Variants in SOD3 observed in about 807,000 individuals in gnomAD.
SOD3 encodes the protein extracellular superoxide dismutase [Cu-Zn].
A neutral mutation model predicts 2.6 loss-of-function variants in SOD3; 3 were observed. The observed-to-expected ratio is 1.13, with a 90% CI of 0.52 to 2.93. The LOEUF is 2.93. SOD3 is among the 30% of genes most tolerant of loss of function. The pLI is 0.04. For missense variants in SOD3, 379 were observed against 370.4 expected (o/e 1.02, Z -0.19); for synonymous variants, 188 against 177.5 (o/e 1.06, Z -0.47).
rs553208748 is a variant in SOD3 at position 24,799,201 on chromosome 4, C to G, written c.-16-305C>G. On this transcript the variant is annotated intron_variant, in intron 1 of 1. Coordinates refer to ENST00000382120, the MANE Select transcript of SOD3 (RefSeq NM_003102.4). Reference sequence around the variant, plus strand: ...TGGAAGGGCCATGAGACACCCCTCACGCTCCCTGAGACCCCCTCCACGCTA... The same window carrying G: ...TGGAAGGGCCATGAGACACCCCTCAGGCTCCCTGAGACCCCCTCCACGCTA... Among the ~76,000 whole-genome samples the G allele has an allele frequency of 2.2e-4, 34 of 152,266 alleles. 1 individual carries two copies. Among genetic ancestry groups the G allele is most frequent in the Middle Eastern group, 3.4e-3 (1 of 294 alleles).
rs1433316057 is a variant in SOD3 at position 24,797,415 on chromosome 4, TG to T, written c.-17+1765del. Among the ~76,000 whole-genome samples, 4 of 152,362 alleles carry T rather than the reference TG, an allele frequency of 2.6e-5. No individual in the cohort carries two copies. In the East Asian group the frequency reaches 5.8e-4, roughly 22 times the overall value. ...TGGGGATAACACTGAATAATGTTCT[TG>T]TGAGGATGCAGGGAATTAACCCACG... On this transcript the variant is annotated intron_variant, in intron 1 of 1. Coordinates refer to ENST00000382120, the MANE Select transcript of SOD3 (RefSeq NM_003102.4).
In SOD3 at chr4:24,796,468, T is replaced by C. The variant is rs1713665827; in HGVS notation, c.-17+817T>C. 2.0e-5 allele frequency among the ~76,000 whole-genome samples: 2 copies of C among 98,326 alleles called. 1 individual carries two copies. Among genetic ancestry groups the C allele is most frequent in the Admixed American group, 3.2e-4 (2 of 6,328 alleles). The allele number at this position is 98,326 out of a possible 152,430, so 64.5% of individuals were successfully genotyped here. ...TTTTTTTTTTTTTTTTTTTGAGACA[T>C]GGTCTCATTCTGTCACCCAGCACCC... On this transcript the variant is annotated intron_variant, in intron 1 of 1. Coordinates refer to ENST00000382120, the MANE Select transcript of SOD3 (RefSeq NM_003102.4).
intron 1 of SOD3, among the ~76,000 whole-genome samples, chr4:24,799,046 G>A (rs1024210246): frequency 6.6e-6 from 1 of 152,198 alleles, no homozygotes; most frequent in African/African-American, 2.4e-5. Flanking sequence ...CAGGGAGAAG[G>A]CACTTCAGGG....
chr4:24,797,630 T>C (rs1242071628), intron 1 of SOD3, among the ~76,000 whole-genome samples: 2 of 152,204 alleles, frequency 1.3e-5, no homozygotes, highest in African/African-American at 4.8e-5. Flanking sequence ...ACTCTGCTAC[T>C]CAGCAATAAA....
chr4:24,798,869 T>C (rs1713747325), intron 1 of SOD3, among the ~76,000 whole-genome samples: 1 of 152,184 alleles, frequency 6.6e-6, no homozygotes, highest in Admixed American at 6.5e-5. Flanking sequence ...CACAGGATTG[T>C]GCTGGAATGA....
In SOD3 at chr4:24,800,563, A is replaced by C; in HGVS notation, c.*319A>C. Reference sequence around the variant, plus strand: ...CACCCAGACCCTCCTTCCCCACCCCATAAGCCCTGAGACTCCCGCCTTTGA... The same window carrying C: ...CACCCAGACCCTCCTTCCCCACCCCCTAAGCCCTGAGACTCCCGCCTTTGA... On this transcript the variant is annotated 3_prime_UTR_variant, in exon 2 of 2. Transcript: ENST00000382120. 19 of 227,168 alleles carry C rather than the reference A, an allele frequency of 8.4e-5. No homozygotes were observed. Among genetic ancestry groups the C allele is most frequent in the South Asian group, 1.9e-4 (1 of 5,356 alleles). The allele number at this position is 227,168 out of a possible 1,614,324, so 14.1% of individuals were successfully genotyped here. A position where few individuals can be genotyped will look rare whatever the true frequency, so the allele number is the denominator to read the frequency against.
chr4:24,799,448 CTA>C (rs1236791778), intron 1 of SOD3, 56 bp from the exon 2 acceptor site: 10 of 1,555,636 alleles, frequency 6.4e-6, no homozygotes, highest in East Asian at 2.3e-5. Context: ...CCCTGAGATT[CTA>C]TGTTTCACGT....
chr4:24,797,143 T>C (rs1713689435), intron 1 of SOD3, among the ~76,000 whole-genome samples: 1 of 141,688 alleles, frequency 7.1e-6, no homozygotes, highest in Admixed American at 7.3e-5. Flanking sequence ...TAGCATCTCT[T>C]AGCTAATGGT....
Position 24,800,147 on chromosome 4 carries a change from T to C in SOD3, c.626T>C (p.Val209Ala). 1 of 1,389,484 alleles carries C rather than the reference T, an allele frequency of 7.2e-7. No individual in the cohort carries two copies. Among genetic ancestry groups the C allele is most frequent in the Non-Finnish European group, 9.2e-7 (1 of 1,082,454 alleles). The allele number at this position is 1,389,484 out of a possible 1,614,324, so 86.1% of individuals were successfully genotyped here. A position where few individuals can be genotyped will look rare whatever the true frequency, so the allele number is the denominator to read the frequency against. ...GNAGRRLACC[V>A]VGVCGPGLWE... Reference sequence around the variant, plus strand: ...GCGGGCCGGCGGCTGGCCTGCTGCGTGGTGGGCGTGTGCGGGCCCGGGCTC... The same window carrying C: ...GCGGGCCGGCGGCTGGCCTGCTGCGCGGTGGGCGTGTGCGGGCCCGGGCTC... The change falls in exon 2 of 2, where the codon GTG (valine) becomes GCG (alanine). Residue 209 changes from valine (V) to alanine (A), a missense_variant. Val to Ala is a moderately conservative substitution (Grantham distance 64, BLOSUM62 0). Coordinates refer to ENST00000382120, the MANE Select transcript of SOD3 (RefSeq NM_003102.4).
chr4:24,795,931 G>T (rs563678799), intron 1 of SOD3, among the ~76,000 whole-genome samples: 7 of 152,224 alleles, frequency 4.6e-5, no homozygotes, highest in African/African-American at 1.7e-4. Flanking sequence ...ACGAGAAAGG[G>T]GGCCTTTCTA....
rs1478175608 is a variant in SOD3, at chr4:24,799,863, C to A, written c.342C>A (p.His114Gln). Residue 114 changes from histidine (H) to glutamine (Q), a missense_variant, in exon 2 of 2, where the codon CAC (histidine) becomes CAA (glutamine). By Grantham distance (24) the His-to-Gln change is conservative. Transcript: ENST00000382120. Reference sequence around the variant, plus strand: ...CGAACAGCTCCAGCCGCGCCATCCACGTGCACCAGTTCGGGGACCTGAGCC... The same window carrying A: ...CGAACAGCTCCAGCCGCGCCATCCAAGTGCACCAGTTCGGGGACCTGAGCC... ...TEPNSSSRAIHVHQFGDLSQG... is the reference protein window; with the variant it reads ...TEPNSSSRAIQVHQFGDLSQG... The A allele has an allele frequency of 1.9e-6, 3 of 1,602,860 alleles. No homozygotes were observed. Among genetic ancestry groups the A allele is most frequent in the African/African-American group, 1.3e-5 (1 of 74,742 alleles).
rs1286498839 is a variant in SOD3 at position 24,799,773 on chromosome 4, C to T, written c.252C>T (p.Phe84=). ...AQPRVTGVVL[F]RQLAPRAKLD... is the part of the protein sequence containing the mutation. Reference sequence around the variant, plus strand: ...CCCGGGTGACCGGCGTCGTCCTCTTCCGGCAGCTTGCGCCCCGCGCCAAGC... The same window carrying T: ...CCCGGGTGACCGGCGTCGTCCTCTTTCGGCAGCTTGCGCCCCGCGCCAAGC... The change falls in exon 2 of 2, where the codon TTC becomes TTT. Residue 84 remains phenylalanine (F), a synonymous_variant. Coordinates refer to ENST00000382120, the MANE Select transcript of SOD3 (RefSeq NM_003102.4). 3 of 1,574,462 alleles carry T rather than the reference C, an allele frequency of 1.9e-6. No individual in the cohort carries two copies. The highest frequency in any genetic ancestry group is 2.6e-6 in the Non-Finnish European group (3 of 1,166,920).
intron 1 of SOD3, among the ~76,000 whole-genome samples, chr4:24,798,097 TCTC>T (rs1263578510): frequency 2.6e-5 from 4 of 151,986 alleles, no homozygotes; most frequent in Admixed American, 1.3e-4. Flanking sequence ...GTCTTTCTTC[TCTC>T]CTTTCTTTCT....
chr4:24,797,878 T>A (rs17881426), intron 1 of SOD3, among the ~76,000 whole-genome samples: 22,950 of 152,162 alleles, frequency 0.15, 2,238 homozygotes, highest in African/African-American at 0.25. Flanking sequence ...AATACCTCGG[T>A]GGCATGGCTG....
At chr4:24,797,066 T>C (rs919486025) in intron 1 of SOD3, among the ~76,000 whole-genome samples, 1 of 152,210 alleles carries the variant, frequency 6.6e-6, no homozygotes, top group Non-Finnish European at 1.5e-5. Flanking sequence ...TCACTTTCTC[T>C]GCTTCTCCCT....
rs1216929707 is a variant in SOD3, at chr4:24,799,713, G to A, written c.192G>A (p.Gln64=). ...DDDGALHAAC[Q]VQPSATLDAA... ...ACGGCGCGCTCCACGCCGCCTGCCAGGTGCAGCCGTCGGCCACGCTGGACG... is the reference window on the plus strand; with the variant it reads ...ACGGCGCGCTCCACGCCGCCTGCCAAGTGCAGCCGTCGGCCACGCTGGACG... The change falls in exon 2 of 2, where the codon CAG becomes CAA. Residue 64 remains glutamine (Q), a synonymous_variant. Transcript: ENST00000382120. The A allele has an allele frequency of 2.7e-5, 42 of 1,570,122 alleles. No homozygotes were observed. The highest frequency in any genetic ancestry group is 3.5e-5 in the Non-Finnish European group (41 of 1,163,114).
chr4:24,799,914 C>G lies in SOD3; in HGVS notation c.393C>G (p.His131Gln), dbSNP rs531765567. The change falls in exon 2 of 2, where the codon CAC (histidine) becomes CAG (glutamine). Residue 131 changes from histidine (H) to glutamine (Q), a missense_variant. By Grantham distance (24) the His-to-Gln change is conservative. Coordinates refer to ENST00000382120, the MANE Select transcript of SOD3 (RefSeq NM_003102.4). Reference sequence around the variant, plus strand: ...AGGGCTGCGAGTCCACCGGGCCCCACTACAACCCGCTGGCCGTGCCGCACC... The same window carrying G: ...AGGGCTGCGAGTCCACCGGGCCCCAGTACAACCCGCTGGCCGTGCCGCACC... The part of the protein sequence containing the change: ...LSQGCESTGP[H>Q]YNPLAVPHPQ... The G allele has an allele frequency of 6.3e-7, 1 of 1,599,544 alleles. No individual in the cohort carries two copies. Among genetic ancestry groups the G allele is most frequent in the South Asian group, 1.1e-5 (1 of 90,610 alleles).
chr4:24,800,131 C>A lies in SOD3; in HGVS notation c.610C>A (p.Arg204=), dbSNP rs1577363684. ...ASVENGNAGR[R]LACCVVGVCG... ...CGTGGAGAACGGGAACGCGGGCCGG[C>A]GGCTGGCCTGCTGCGTGGTGGGCGT... Residue 204 remains arginine, a synonymous_variant, in exon 2 of 2, where the codon CGG becomes AGG. Transcript: ENST00000382120. The A allele has an allele frequency of 7.3e-7, 1 of 1,378,128 alleles. No individual in the cohort carries two copies. Among genetic ancestry groups the A allele is most frequent in the Non-Finnish European group, 9.3e-7 (1 of 1,076,366 alleles). 85.4% of individuals were successfully genotyped at this position (1,378,128 alleles called of 1,614,324 possible).
rs539356904 is a variant in SOD3, at chr4:24,797,282, G to C, written c.-17+1631G>C. On this transcript the variant is annotated intron_variant, in intron 1 of 1. Transcript: ENST00000382120. ...GTGCAGTGTGGTGCCTAAACCTTGG[G>C]CTTGGAGCAGACACACACTTTCAAA... 4.1e-4 allele frequency among the ~76,000 whole-genome samples: 63 copies of C among 152,328 alleles called. 1 individual carries two copies. In the South Asian group the frequency reaches 0.012, roughly 29 times the overall value.
Sources: allele counts gnomAD v4.1 joint callset (sites outside exome capture counted in the v4.1 genomes callset), GRCh38; gene constraint gnomAD v4.1.1; transcripts MANE v1.5; gene names NCBI Gene and HGNC (gene_info 2026-07-23, HGNC 2026-07-21).